The following FGF14 variants were observed in gnomAD, a reference collection of about 807,000 sequenced individuals.
FGF14 encodes fibroblast growth factor homologous factor 4.
Under a neutral mutation model 25.5 loss-of-function variants are expected in FGF14, and 5 were observed. The ratio of observed to expected loss-of-function variants is 0.20; its 90% confidence interval spans 0.10 to 0.41. The LOEUF (loss-of-function observed/expected upper bound fraction) is 0.41. Among genes scored for constraint, FGF14 ranks in the 10% least tolerant of loss-of-function variants. FGF14 has a pLI of 1.00. For synonymous variants in FGF14, 138 were observed against 118.3 expected (o/e 1.17, Z -1.08); for missense variants, 222 against 320.1 (o/e 0.69, Z 2.34).
At chr13:102,273,009 A>G (rs1313431033) in intron 1 of FGF14, among the ~76,000 whole-genome samples, 1 of 152,228 alleles carries the variant, frequency 6.6e-6, no homozygotes, top group African/African-American at 2.4e-5. Context: ...GTCATTGTTG[A>G]TATCATATCC....
rs2055755709 is a variant in FGF14 at position 102,311,336 on chromosome 13, G to A, written c.208+90135C>T. On this transcript the variant is annotated intron_variant, in intron 1 of 4. Transcript: ENST00000376131. Reference sequence around the variant, plus strand: ...TATGACATACTAGGGGCAGCTATCTGATCAGTCTTGAAGAAAATATCTTTT... The same window carrying A: ...TATGACATACTAGGGGCAGCTATCTAATCAGTCTTGAAGAAAATATCTTTT... 3.9e-5 allele frequency among the ~76,000 whole-genome samples: 6 copies of A among 152,304 alleles called. No homozygotes were observed. In the South Asian group the frequency reaches 1.2e-3, roughly 32 times the overall value.
chr13:102,363,858 T>G (rs1274748063), intron 1 of FGF14, among the ~76,000 whole-genome samples: 1 of 152,294 alleles, frequency 6.6e-6, no homozygotes, highest in East Asian at 1.9e-4. Context: ...GGTATTTCCA[T>G]TTTTCAGGGG....
In FGF14 at chr13:101,711,787, A is replaced by G. The variant is rs754444239; in HGVS notation, c.*11044T>C. ...GGGATGGAAGCCAGCAAAAATGCAC[A>G]GAAGGGAGATGGGAACATTCTCAAG... On this transcript the variant is annotated 3_prime_UTR_variant, in exon 5 of 5. Transcript: ENST00000376143. 6.6e-6 allele frequency: 1 copy of G among 152,270 alleles called. No individual in the cohort carries two copies. Among genetic ancestry groups the G allele is most frequent in the Non-Finnish European group, 1.5e-5 (1 of 68,078 alleles). The allele number at this position is 152,270 out of a possible 1,614,324, so 9.4% of individuals were successfully genotyped here.
intron 1 of FGF14, among the ~76,000 whole-genome samples, chr13:102,058,489 G>C (rs941958552): frequency 6.6e-6 from 1 of 152,076 alleles, no homozygotes; most frequent in Non-Finnish European, 1.5e-5. Flanking sequence ...ACTTAATGAA[G>C]TGTATAATTC....
At chr13:102,226,045 T>A (rs570448798) in intron 1 of FGF14, among the ~76,000 whole-genome samples, 13 of 152,332 alleles carry the variant, frequency 8.5e-5, no homozygotes, top group Non-Finnish European at 8.8e-5. Context: ...TGAATTGACA[T>A]TGGGTTAATT....
At chr13:101,929,618 TTTCATGCTGACCTC>T (rs2034613676) in intron 1 of FGF14, among the ~76,000 whole-genome samples, 1 of 152,258 alleles carries the variant, frequency 6.6e-6, no homozygotes, top group South Asian at 2.1e-4. Flanking sequence ...ATCTGACTAT[TTTCATGCTGACCTC>T]TTCCCATGCT....
intron 1 of FGF14, among the ~76,000 whole-genome samples, chr13:101,935,601 T>C (rs1279130496): frequency 3.9e-5 from 6 of 152,214 alleles, no homozygotes; most frequent in Non-Finnish European, 8.8e-5. Context: ...TGCTGCCCTG[T>C]GAAGAGGTGC....
chr13:101,798,936 T>C (rs950874585), intron 3 of FGF14, among the ~76,000 whole-genome samples: 2 of 152,124 alleles, frequency 1.3e-5, no homozygotes, highest in Admixed American at 6.6e-5. Context: ...TAAAGTGTTG[T>C]TTCCTAAAAC....
At chr13:101,891,672 G>A (rs971391120) in intron 1 of FGF14, among the ~76,000 whole-genome samples, 1 of 151,692 alleles carries the variant, frequency 6.6e-6, no homozygotes, top group African/African-American at 2.4e-5. Context: ...ATCTATATAT[G>A]TATTTCTATA....
At chr13:102,087,651 C>G (rs1314126682) in intron 1 of FGF14, among the ~76,000 whole-genome samples, 3 of 145,368 alleles carry the variant, frequency 2.1e-5, no homozygotes, top group Non-Finnish European at 4.5e-5. Flanking sequence ...GTCTCGATCT[C>G]CTGACCTCGT....
chr13:102,377,087 C>CTT (rs200367815), intron 1 of FGF14, among the ~76,000 whole-genome samples: 2 of 146,160 alleles, frequency 1.4e-5, no homozygotes. Context: ...TCTAGGTCAC[C>CTT]TTTTTTTTTT....
intron 1 of FGF14, among the ~76,000 whole-genome samples, chr13:102,073,271 C>T (rs2043224333): frequency 6.6e-6 from 1 of 152,036 alleles, no homozygotes; most frequent in African/African-American, 2.4e-5. Context: ...AATAAATAAA[C>T]AAAAATTAAA....
At chr13:102,009,443 A>T (rs1326164434) in intron 1 of FGF14, among the ~76,000 whole-genome samples, 1 of 152,136 alleles carries the variant, frequency 6.6e-6, no homozygotes, top group Non-Finnish European at 1.5e-5. Context: ...TTGTGGTTTC[A>T]CTGTGCATTG....
intron 1 of FGF14, among the ~76,000 whole-genome samples, chr13:102,051,332 T>C (rs2042207482): frequency 6.6e-6 from 1 of 151,864 alleles, no homozygotes; most frequent in South Asian, 2.1e-4. Context: ...AGCATGGTAG[T>C]GGGGAGTGCC....
At chr13:101,774,976 A>G (rs1320827969) in intron 3 of FGF14, among the ~76,000 whole-genome samples, 1 of 151,968 alleles carries the variant, frequency 6.6e-6, no homozygotes, top group Admixed American at 6.6e-5. Flanking sequence ...TCTCAAAAAA[A>G]AAAAAAAAAA....
intron 1 of FGF14, among the ~76,000 whole-genome samples, chr13:101,925,180 T>C (rs1183261333): frequency 2.6e-5 from 4 of 152,284 alleles, no homozygotes; most frequent in Admixed American, 6.5e-5. Flanking sequence ...AAATAAAAAT[T>C]GCCTCTAATC....
intron 3 of FGF14, among the ~76,000 whole-genome samples, chr13:101,754,584 C>T (rs1197882524): frequency 6.6e-6 from 1 of 151,930 alleles, no homozygotes; most frequent in African/African-American, 2.4e-5. Context: ...CAAAACTCAG[C>T]CGAGCGTAGT....
At chr13:101,733,306 A>T (rs2035933073) in intron 3 of FGF14, among the ~76,000 whole-genome samples, 1 of 152,114 alleles carries the variant, frequency 6.6e-6, no homozygotes, top group Admixed American at 6.6e-5. Flanking sequence ...CGAGTTTAAG[A>T]GACAACTTTT....
intron 1 of FGF14, among the ~76,000 whole-genome samples, chr13:102,192,564 C>T (rs969387255): frequency 4.6e-5 from 7 of 152,162 alleles, no homozygotes; most frequent in Admixed American, 3.9e-4. Flanking sequence ...TCACATTTTA[C>T]CATAAACAGG....
Sources: allele counts gnomAD v4.1 joint callset (sites outside exome capture counted in the v4.1 genomes callset), GRCh38; gene constraint gnomAD v4.1.1; transcripts MANE v1.5; gene names NCBI Gene and HGNC (gene_info 2026-07-23, HGNC 2026-07-21).